The following PDE11A variants were observed in gnomAD, a reference collection of about 807,000 sequenced individuals.
The protein encoded by PDE11A is phosphodiesterase 11A.
Under a neutral mutation model 100.5 loss-of-function variants are expected in PDE11A, and 100 were observed. The observed-to-expected ratio is 1.00, with a 90% CI of 0.85 to 1.18. PDE11A has a LOEUF of 1.18. Among genes scored for constraint, PDE11A ranks in the 50% most tolerant of loss-of-function variants. PDE11A has a pLI of 0.00. For synonymous variants in PDE11A, 381 were observed against 420.8 expected (o/e 0.91, Z 1.16); for missense variants, 1,141 against 1,152.6 (o/e 0.99, Z 0.15).
At chr2:177,842,272 T>A (rs1324423321) in intron 5 of PDE11A, among the ~76,000 whole-genome samples, 1 of 151,898 alleles carries the variant, frequency 6.6e-6, no homozygotes, top group Admixed American at 6.6e-5. Flanking sequence ...AACGGTTGGG[T>A]AGGGTGGGGC....
At chr2:177,735,148 G>A (rs1425392481) in intron 10 of PDE11A, among the ~76,000 whole-genome samples, 1 of 152,168 alleles carries the variant, frequency 6.6e-6, no homozygotes, top group Non-Finnish European at 1.5e-5. Flanking sequence ...GGGGAAACAC[G>A]GGGCACCACA....
chr2:177,840,663 T>C (rs13416761), intron 5 of PDE11A, among the ~76,000 whole-genome samples: 1 of 152,154 alleles, frequency 6.6e-6, no homozygotes, highest in Non-Finnish European at 1.5e-5. Flanking sequence ...GGCAAACACA[T>C]GTAAGGACCA....
intron 2 of PDE11A, among the ~76,000 whole-genome samples, chr2:177,911,871 G>A (rs1025491627): frequency 1.3e-5 from 2 of 150,348 alleles, no homozygotes; most frequent in African/African-American, 4.9e-5. Flanking sequence ...GTGAAAGAGT[G>A]AGACTCCATC....
At chr2:177,885,526 T>A (rs1159420931) in intron 4 of PDE11A, among the ~76,000 whole-genome samples, 1 of 152,150 alleles carries the variant, frequency 6.6e-6, no homozygotes, top group East Asian at 1.9e-4. Flanking sequence ...TTTTTTTAAA[T>A]ACTCTCCACT....
intron 15 of PDE11A, among the ~76,000 whole-genome samples, chr2:177,682,730 T>A (rs1157701958): frequency 2.7e-5 from 4 of 148,876 alleles, no homozygotes; most frequent in Admixed American, 6.6e-5. Context: ...TGTGAAGATG[T>A]TCCTGCCAAG....
At chr2:177,932,892 A>C in intron 2 of PDE11A, among the ~76,000 whole-genome samples, 1 of 152,146 alleles carries the variant, frequency 6.6e-6, no homozygotes, top group Non-Finnish European at 1.5e-5. Context: ...CTTTTCGCTA[A>C]TGATATGATT....
chr2:177,933,192 G>A (rs2085230382), intron 2 of PDE11A, among the ~76,000 whole-genome samples: 1 of 151,492 alleles, frequency 6.6e-6, no homozygotes, highest in Non-Finnish European at 1.5e-5. Context: ...ACAAACAAAT[G>A]GAAAAAAATT....
intron 12 of PDE11A, among the ~76,000 whole-genome samples, chr2:177,712,852 G>C (rs1177213087): frequency 6.6e-6 from 1 of 152,042 alleles, no homozygotes; most frequent in Non-Finnish European, 1.5e-5. Context: ...GAGGATTAGG[G>C]TACAAATTGC....
Position 177,701,140 on chromosome 2 carries a change from A to G in PDE11A, c.2225T>C (p.Val742Ala). The G allele has an allele frequency of 1.9e-6, 3 of 1,599,292 alleles. No individual in the cohort carries two copies. Among genetic ancestry groups the G allele is most frequent in the Non-Finnish European group, 2.6e-6 (3 of 1,166,458 alleles). ...CTGTACCTCACTTTGAAGGATCATC[A>G]CGGCGTGGTTGAAATGGTGATGCTC... Reference protein sequence around the residue: ...TLEHHHFNHAVMILQSEGHNI... With the variant: ...TLEHHHFNHAAMILQSEGHNI... The change falls in exon 14 of 20, where the codon GTG (valine) becomes GCG (alanine). Residue 742 changes from valine (V) to alanine (A), a missense_variant. Coordinates refer to ENST00000286063, the MANE Select transcript of PDE11A (RefSeq NM_016953.4).
rs1438588949 is a variant in PDE11A, at chr2:178,071,665, A to T, written c.773T>A (p.Phe258Tyr). Residue 258 changes from phenylalanine to tyrosine, a missense_variant, in exon 1 of 20, where the codon TTT becomes TAT. Transcript: ENST00000286063. ...CAGAGGTGTTCCTGCATGCACATCAAAGAATTTGGAGACCAAGGTCTTCTT... is the reference window on the plus strand; with the variant it reads ...CAGAGGTGTTCCTGCATGCACATCATAGAATTTGGAGACCAAGGTCTTCTT... Reference protein sequence around the residue: ...AGKKTLVSKFFDVHAGTPLLP... With the variant: ...AGKKTLVSKFYDVHAGTPLLP... 2 of 1,613,520 alleles carry T rather than the reference A, an allele frequency of 1.2e-6. No individual in the cohort carries two copies. Among genetic ancestry groups the T allele is most frequent in the Non-Finnish European group, 1.7e-6 (2 of 1,179,568 alleles).
In PDE11A at chr2:177,817,016, T is replaced by TAC; in HGVS notation, c.1645-97_1645-96dup. 3.9e-6 allele frequency: 3 copies of TAC among 767,620 alleles called. No individual in the cohort carries two copies. In the Admixed American group the frequency reaches 5.5e-5, roughly 14 times the overall value. 47.6% of individuals were successfully genotyped at this position (767,620 alleles called of 1,614,324 possible). ...CAGCCACCAGGGATGGGTCTGAAAA[T>TAC]ACAATCTTGTTGTACACAGAGGTAG... On this transcript the variant is annotated intron_variant, in intron 8 of 19. Transcript: ENST00000286063.
At chr2:178,091,500 C>A (rs2087422950) in intron 2 of PDE11A, among the ~76,000 whole-genome samples, 1 of 152,308 alleles carries the variant, frequency 6.6e-6, no homozygotes, top group South Asian at 2.1e-4. Flanking sequence ...GAAGGTAAAA[C>A]CCACATCACA....
intron 1 of PDE11A, among the ~76,000 whole-genome samples, chr2:178,037,293 G>C (rs1049407480): frequency 6.6e-6 from 1 of 152,196 alleles, no homozygotes; most frequent in African/African-American, 2.4e-5. Context: ...CTGGTCATTA[G>C]AGAAATGCAA....
intron 3 of PDE11A, among the ~76,000 whole-genome samples, chr2:177,902,736 C>G (rs1194554108): frequency 6.6e-6 from 1 of 152,174 alleles, no homozygotes; most frequent in Non-Finnish European, 1.5e-5. Flanking sequence ...ACTCCTGTAT[C>G]CAACTGTTTA....
intron 2 of PDE11A, among the ~76,000 whole-genome samples, chr2:177,916,649 G>A (rs1233676566): frequency 6.6e-6 from 1 of 152,092 alleles, no homozygotes; most frequent in African/African-American, 2.4e-5. Context: ...TCTCAAAGTG[G>A]GCTCTCTAGT....
intron 1 of PDE11A, among the ~76,000 whole-genome samples, chr2:178,041,548 C>A (rs893217823): frequency 2.0e-5 from 3 of 152,056 alleles, no homozygotes; most frequent in Admixed American, 6.6e-5. Context: ...CCAGAAAATT[C>A]TTTTAAGAAC....
chr2:177,697,269 AC>A, intron 15 of PDE11A, 62 bp downstream of exon 15: 1 of 823,696 alleles, frequency 1.2e-6, no homozygotes, highest in Non-Finnish European at 2.2e-6. Context: ...TCCAGTGTAG[AC>A]CTGGAGATTA....
chr2:178,024,181 G>A (rs1019755204), intron 1 of PDE11A, among the ~76,000 whole-genome samples: 1 of 152,132 alleles, frequency 6.6e-6, no homozygotes, highest in Non-Finnish European at 1.5e-5. Flanking sequence ...GGAGGCTGAG[G>A]TGGGTGAATC....
chr2:178,107,978 C>T (rs1171277810), intron 1 of PDE11A, among the ~76,000 whole-genome samples: 1 of 152,086 alleles, frequency 6.6e-6, no homozygotes, highest in Non-Finnish European at 1.5e-5. Flanking sequence ...CCACGGCTTC[C>T]CAAAATGCTG....
Sources: gnomAD v4.1 joint callset for allele counts (sites outside exome capture counted in the v4.1 genomes callset) on GRCh38, gnomAD v4.1.1 for gene constraint, MANE v1.5 for transcripts, NCBI Gene and HGNC (gene_info 2026-07-23, HGNC 2026-07-21) for gene names.